PRH1: variants seen among roughly 807,000 people sequenced by gnomAD.
PRH1 encodes proline rich protein HaeIII subfamily 1.
Under a neutral mutation model 7.9 loss-of-function variants are expected in PRH1, and 7 were observed. The observed-to-expected ratio is 0.89, with a 90% confidence interval of 0.50 to 1.67. The LOEUF (loss-of-function observed/expected upper bound fraction) is 1.67. Among genes scored for constraint, PRH1 ranks in the 40% most tolerant of loss-of-function variants. The pLI, the probability that PRH1 is intolerant of heterozygous loss-of-function variation, is 0.00. For synonymous variants in PRH1, 45 were observed against 80.8 expected (o/e 0.56, Z 2.38); for missense variants, 109 against 223.6 (o/e 0.49, Z 3.27).
intron 1 of PRH1, among the ~76,000 whole-genome samples, chr12:10,976,632 A>G (rs1483962054): frequency 8.5e-6 from 1 of 117,100 alleles, no homozygotes; most frequent in Non-Finnish European, 2.1e-5. Context: ...TGGGCTGAGG[A>G]GTTTTTTTTT....
intron 1 of PRH1, among the ~76,000 whole-genome samples, chr12:11,111,126 A>G (rs961110140): frequency 2.0e-5 from 3 of 152,216 alleles, no homozygotes; most frequent in African/African-American, 7.2e-5. Flanking sequence ...ATGTGCACCC[A>G]ATACAGGGGC....
intron 1 of PRH1, among the ~76,000 whole-genome samples, chr12:11,153,492 C>G (rs1277440207): frequency 2.0e-5 from 3 of 152,122 alleles, no homozygotes; most frequent in African/African-American, 7.2e-5. Flanking sequence ...TGGCAGATCC[C>G]AAAGAATCTG....
intron 1 of PRH1, chr12:11,091,831 C>T (rs770530290): frequency 3.1e-5 from 47 of 1,499,666 alleles, no homozygotes; most frequent in Non-Finnish European, 4.0e-5. Context: ...AAGGCCCCAA[C>T]AACATCACCA....
chr12:11,000,889 C>A (rs1373631508), intron 1 of PRH1, among the ~76,000 whole-genome samples: 2 of 152,008 alleles, frequency 1.3e-5, no homozygotes, highest in Non-Finnish European at 2.9e-5. Context: ...GTTTTAGTAG[C>A]AGAAATTATA....
intron 2 of PRH1, chr12:10,930,730 C>T (rs751293656): frequency 8.7e-6 from 14 of 1,613,718 alleles, no homozygotes; most frequent in Non-Finnish European, 1.2e-5. Context: ...ACAGCAATCT[C>T]AACCCTCTGC....
At chr12:10,962,991 T>C (rs1938320899) in intron 2 of PRH1, among the ~76,000 whole-genome samples, 1 of 152,304 alleles carries the variant, frequency 6.6e-6, no homozygotes, top group East Asian at 1.9e-4. Flanking sequence ...AGGACGGTCT[T>C]GATCTCCTGA....
intron 2 of PRH1, among the ~76,000 whole-genome samples, chr12:10,897,931 C>T (rs1435957167): frequency 2.0e-5 from 3 of 152,172 alleles, no homozygotes; most frequent in Non-Finnish European, 2.9e-5. Flanking sequence ...TGTTATTTTA[C>T]ACCATGAAGT....
chr12:10,934,821 A>G (rs1246452075), intron 2 of PRH1, among the ~76,000 whole-genome samples: 1 of 152,190 alleles, frequency 6.6e-6, no homozygotes, highest in Non-Finnish European at 1.5e-5. Context: ...CATTGTTAAT[A>G]AACAAATAAA....
At chr12:11,047,011 T>C (rs1037000372) in intron 1 of PRH1, 3 of 504,520 alleles carry the variant, frequency 5.9e-6, no homozygotes, top group African/African-American at 1.9e-5. Context: ...TCTAAGTGCT[T>C]TGACTCACCT....
At chr12:11,067,246 A>G (rs1471992526) in intron 1 of PRH1, among the ~76,000 whole-genome samples, 1 of 152,210 alleles carries the variant, frequency 6.6e-6, no homozygotes, top group Non-Finnish European at 1.5e-5. Context: ...TTAACAAAAT[A>G]TTTTACCCAA....
upstream of PRH1, chr12:11,049,151 C>G (rs1026406918): frequency 3.8e-6 from 3 of 783,578 alleles, no homozygotes; most frequent in South Asian, 4.6e-5. Flanking sequence ...TGTGTCTTAA[C>G]CCACTCAAGG....
intron 2 of PRH1, among the ~76,000 whole-genome samples, chr12:10,921,928 G>A (rs572072598): frequency 9.9e-4 from 150 of 152,042 alleles, no homozygotes; most frequent in African/African-American, 3.4e-3. Context: ...CACCATACCC[G>A]GCTAATTTTT....
chr12:11,082,742 C>G (rs796526650), intron 1 of PRH1, among the ~76,000 whole-genome samples: 36 of 102,100 alleles, frequency 3.5e-4, no homozygotes, highest in Non-Finnish European at 4.3e-4. Context: ...AAAAATTATG[C>G]CAAAAGTGAC....
intron 1 of PRH1, chr12:10,996,845 C>G: frequency 8.4e-7 from 1 of 1,194,324 alleles, no homozygotes; most frequent in South Asian, 2.2e-5. Context: ...GGAAATTACT[C>G]AAATACATAG....
chr12:10,921,344 A>C (rs936910331), intron 2 of PRH1, among the ~76,000 whole-genome samples: 1 of 151,986 alleles, frequency 6.6e-6, no homozygotes, highest in Non-Finnish European at 1.5e-5. Flanking sequence ...AAAATCTTTG[A>C]AATTGTTGAT....
At chr12:11,068,252 T>C (rs768154604) in intron 1 of PRH1, among the ~76,000 whole-genome samples, 6 of 152,236 alleles carry the variant, frequency 3.9e-5, no homozygotes, top group Non-Finnish European at 8.8e-5. Flanking sequence ...CACTCATATG[T>C]TTCACTGTAG....
rs116234620 is a variant in PRH1, at chr12:10,926,451, G to A, written c.-58-42176C>T. Among the ~76,000 whole-genome samples the A allele has an allele frequency of 8.9e-3, 1,350 of 152,314 alleles. 15 individuals are homozygous for A. The highest frequency in any genetic ancestry group is 0.03 in the African/African-American group (1,257 of 41,566). On this transcript the variant is annotated intron_variant, in intron 2 of 3. Coordinates refer to the PRH1 transcript ENST00000539853. Reference sequence around the variant, plus strand: ...TCAAAAAAGATTTAGTCATGTGGGTGTGAAAGAGCTGAGTCATGAAATTTG... The same window carrying A: ...TCAAAAAAGATTTAGTCATGTGGGTATGAAAGAGCTGAGTCATGAAATTTG...
At chr12:10,892,534 T>C (rs1949589719) in intron 2 of PRH1, among the ~76,000 whole-genome samples, 5 of 152,268 alleles carry the variant, frequency 3.3e-5, no homozygotes, top group South Asian at 4.2e-4. Flanking sequence ...TCTTATTTCA[T>C]AAGGGGTATG....
Position 11,079,403 on chromosome 12 carries a change from G to T in PRH1, n.124-32215C>A, listed in dbSNP as rs188290417. Among the ~76,000 whole-genome samples, 3 of 114,058 alleles carry T rather than the reference G, an allele frequency of 2.6e-5. 1 individual carries two copies. Among genetic ancestry groups the T allele is most frequent in the Admixed American group, 1.8e-4 (2 of 11,326 alleles). 74.8% of individuals were successfully genotyped at this position (114,058 alleles called of 152,430 possible). Reference sequence around the variant, plus strand: ...CCCATAAGAAGAATGAGAAACTAATGGAGTCAGAATGCCACTGCCTTATCT... The same window carrying T: ...CCCATAAGAAGAATGAGAAACTAATTGAGTCAGAATGCCACTGCCTTATCT... On this transcript the variant is annotated intron_variant and non_coding_transcript_variant, in intron 1 of 4. Coordinates refer to the PRH1 transcript ENST00000541977.
Sources: allele counts gnomAD v4.1 joint callset (sites outside exome capture counted in the v4.1 genomes callset), GRCh38; gene constraint gnomAD v4.1.1; transcripts MANE v1.5; gene names NCBI Gene and HGNC (gene_info 2026-07-23, HGNC 2026-07-21).